CFTR: variants seen among roughly 807,000 people sequenced by gnomAD.
CFTR encodes CF transmembrane conductance regulator, also known as cystic fibrosis transmembrane conductance regulator.
Under a neutral mutation model 171.6 loss-of-function variants are expected in CFTR, and 181 were observed. The ratio of observed to expected loss-of-function variants is 1.05; its 90% CI spans 0.93 to 1.19. CFTR has a LOEUF of 1.19. Among genes scored for constraint, CFTR ranks in the 50% most tolerant of loss-of-function variants. CFTR has a pLI of 0.00. For missense variants in CFTR, 1,968 were observed against 1,734.7 expected (o/e 1.13, Z -2.39); for synonymous variants, 583 against 608.0 (o/e 0.96, Z 0.60).
chr7:117,499,223 G>A (rs1798283283), intron 1 of CFTR, among the ~76,000 whole-genome samples: 1 of 152,040 alleles, frequency 6.6e-6, no homozygotes, highest in South Asian at 2.1e-4. Context: ...AATGTCAGAT[G>A]CGTCTTTTGG....
intron 24 of CFTR, among the ~76,000 whole-genome samples, chr7:117,653,528 C>CT (rs1793118934): frequency 2.0e-5 from 3 of 152,142 alleles, no homozygotes; most frequent in African/African-American, 4.8e-5. Context: ...ATCATGAGGG[C>CT]TTTGTTCTCA....
chr7:117,587,851 G>C lies in CFTR; in HGVS notation c.1679+18G>C, dbSNP rs369294289. On this transcript the variant is annotated intron_variant, in intron 12 of 26. Coordinates refer to ENST00000003084, the MANE Select transcript of CFTR (RefSeq NM_000492.4). ...TTAGCAAGGTGAATAACTAATTATT[G>C]GTCTAGCAAGCATTTGCTGTAAATG... The C allele has an allele frequency of 1.6e-5, 22 of 1,401,222 alleles. No individual in the cohort carries two copies. The highest frequency in any genetic ancestry group is 1.8e-4 in the Middle Eastern group (1 of 5,708). 86.8% of individuals were successfully genotyped at this position (1,401,222 alleles called of 1,614,324 possible). A position where few individuals can be genotyped will look rare whatever the true frequency, so the allele number is the denominator to read the frequency against.
intron 1 of CFTR, among the ~76,000 whole-genome samples, chr7:117,493,290 T>A (rs1798190224): frequency 6.6e-6 from 1 of 152,154 alleles, no homozygotes; most frequent in Admixed American, 6.6e-5. Context: ...TTACTGTATG[T>A]TTTGCTATTG....
At chr7:117,553,224 G>GACACAC (rs375658005) in intron 10 of CFTR, among the ~76,000 whole-genome samples, 17 of 149,066 alleles carry the variant, frequency 1.1e-4, no homozygotes, top group African/African-American at 3.4e-4. Context: ...CCTGAACAAG[G>GACACAC]ACACACACAC....
At chr7:117,654,851 G>A (rs566311519) in intron 24 of CFTR, among the ~76,000 whole-genome samples, 1 of 152,180 alleles carries the variant, frequency 6.6e-6, no homozygotes, top group Admixed American at 6.5e-5. Context: ...GAGGTGGCAC[G>A]GGGCAGTTGT....
At chr7:117,618,867 A>C (rs1195904077) in intron 21 of CFTR, among the ~76,000 whole-genome samples, 1 of 152,204 alleles carries the variant, frequency 6.6e-6, no homozygotes, top group African/African-American at 2.4e-5. Context: ...AAAATAGTAA[A>C]ATTATCAGAA....
At chr7:117,569,973 TATG>T (rs774467617) in intron 11 of CFTR, among the ~76,000 whole-genome samples, 10 of 152,064 alleles carry the variant, frequency 6.6e-5, no homozygotes, top group Non-Finnish European at 1.0e-4. Context: ...AAGTCAATAA[TATG>T]ATGTTTCAGC....
At chr7:117,547,991 T>C (rs949007362) in intron 9 of CFTR, among the ~76,000 whole-genome samples, 6 of 152,230 alleles carry the variant, frequency 3.9e-5, no homozygotes, top group African/African-American at 1.4e-4. Context: ...TGCTAAAGCT[T>C]CCCACGGGGG....
chr7:117,573,776 T>G (rs963682626), intron 11 of CFTR, among the ~76,000 whole-genome samples: 2 of 152,152 alleles, frequency 1.3e-5, no homozygotes, highest in Non-Finnish European at 1.5e-5. Context: ...GAACACAATA[T>G]TAAAACTCTA....
In CFTR at chr7:117,504,341, A is replaced by C. The variant is rs1248202161; in HGVS notation, c.142A>C (p.Asn48His). 11 of 1,593,014 alleles carry C rather than the reference A, an allele frequency of 6.9e-6. No homozygotes were observed. Among genetic ancestry groups the C allele is most frequent in the Non-Finnish European group, 9.5e-6 (11 of 1,161,010 alleles). ...AATCCCTTCTGTTGATTCTGCTGAC[A>C]ATCTATCTGAAAAATTGGAAAGGTA... The part of the protein sequence containing the change: ...YQIPSVDSAD[N>H]LSEKLEREWD... Residue 48 changes from asparagine to histidine, a missense_variant, in exon 2 of 27, where the codon AAT becomes CAT. By Grantham distance (68) the Asn-to-His change is moderately conservative. Coordinates refer to ENST00000003084, the MANE Select transcript of CFTR (RefSeq NM_000492.4).
At chr7:117,649,790 TACTC>T (rs991835705) in intron 23 of CFTR, among the ~76,000 whole-genome samples, 1 of 152,118 alleles carries the variant, frequency 6.6e-6, no homozygotes, top group Non-Finnish European at 1.5e-5. Flanking sequence ...ATAATCTTAA[TACTC>T]ATTGTAAGCT....
intron 11 of CFTR, chr7:117,586,310 G>T (rs544210039): frequency 6.6e-6 from 1 of 152,076 alleles, no homozygotes; most frequent in African/African-American, 2.4e-5. Flanking sequence ...GTGCTTATGG[G>T]TATTAACGAC....
At chr7:117,660,585 G>A (rs773434583) in intron 24 of CFTR, among the ~76,000 whole-genome samples, 1 of 151,748 alleles carries the variant, frequency 6.6e-6, no homozygotes, top group African/African-American at 2.4e-5. Context: ...AGCCCAGATC[G>A]CACCACTGCA....
intron 1 of CFTR, among the ~76,000 whole-genome samples, chr7:117,482,310 A>G (rs994025896): frequency 2.0e-5 from 3 of 152,178 alleles, no homozygotes; most frequent in African/African-American, 7.2e-5. Flanking sequence ...TTATTATGGT[A>G]TGAGTTATAG....
At chr7:117,651,385 A>G (rs1793087679) in intron 23 of CFTR, among the ~76,000 whole-genome samples, 1 of 152,202 alleles carries the variant, frequency 6.6e-6, no homozygotes, top group Non-Finnish European at 1.5e-5. Flanking sequence ...TTAAATAATG[A>G]ACTGACTCAA....
intron 11 of CFTR, among the ~76,000 whole-genome samples, chr7:117,573,652 T>A (rs1256897756): frequency 6.6e-6 from 1 of 152,134 alleles, no homozygotes; most frequent in Admixed American, 6.5e-5. Flanking sequence ...CCAAACAATT[T>A]GACTTTTTAT....
intron 1 of CFTR, among the ~76,000 whole-genome samples, chr7:117,494,356 T>C (rs543307741): frequency 1.7e-4 from 26 of 152,188 alleles, no homozygotes; most frequent in South Asian, 1.0e-3. Context: ...GAGAGGTCAT[T>C]ACATCATTTG....
At chr7:117,650,377 A>G (rs935200506) in intron 23 of CFTR, among the ~76,000 whole-genome samples, 2 of 152,128 alleles carry the variant, frequency 1.3e-5, no homozygotes, top group African/African-American at 4.8e-5. Context: ...ATACACTGAG[A>G]TGGGAAAGCC....
Position 117,614,660 on chromosome 7 carries a change from A to G in CFTR, c.3415A>G (p.Ile1139Val), listed in dbSNP as rs397508556. 1.5e-4 allele frequency: 239 copies of G among 1,612,546 alleles called. No individual in the cohort carries two copies. Among genetic ancestry groups the G allele is most frequent in the Non-Finnish European group, 2.0e-4 (233 of 1,178,884 alleles). Reference sequence around the variant, plus strand: ...TATTATCCTGACTTTAGCCATGAATATCATGAGTACATTGCAGTGGGCTGT... The same window carrying G: ...TATTATCCTGACTTTAGCCATGAATGTCATGAGTACATTGCAGTGGGCTGT... The part of the protein sequence containing the change: ...VGIILTLAMN[I>V]MSTLQWAVNS... Residue 1139 changes from isoleucine (I) to valine (V), a missense_variant, in exon 21 of 27, where the codon ATC becomes GTC. Transcript: ENST00000003084.
Sources: gnomAD v4.1 joint callset for allele counts (sites outside exome capture counted in the v4.1 genomes callset) on GRCh38, gnomAD v4.1.1 for gene constraint, MANE v1.5 for transcripts, NCBI Gene and HGNC (gene_info 2026-07-23, HGNC 2026-07-21) for gene names.